The following ARHGEF3 variants were observed in gnomAD, a reference collection of about 807,000 sequenced individuals.
The protein encoded by ARHGEF3 is Rho guanine nucleotide exchange factor 3.
ARHGEF3 carries 28 observed loss-of-function variants against 63.2 expected under a neutral mutation model. The ratio of observed to expected loss-of-function variants is 0.44; its 90% CI spans 0.33 to 0.61. The LOEUF (loss-of-function observed/expected upper bound fraction) is 0.61. Ranked by LOEUF, ARHGEF3 falls within the 20% of genes least tolerant of loss-of-function variation. The pLI is 0.03. For synonymous variants in ARHGEF3, 266 were observed against 254.2 expected (o/e 1.05, Z -0.44); for missense variants, 533 against 659.3 (o/e 0.81, Z 2.10).
chr3:56,793,531 A>C (rs2037199987), intron 1 of ARHGEF3, among the ~76,000 whole-genome samples: 1 of 150,904 alleles, frequency 6.6e-6, no homozygotes, highest in Admixed American at 6.6e-5. Flanking sequence ...TTGAACTCCT[A>C]AGCTCAGGTG....
At chr3:56,884,467 G>A (rs192918835) in intron 3 of ARHGEF3, among the ~76,000 whole-genome samples, 5 of 152,322 alleles carry the variant, frequency 3.3e-5, no homozygotes, top group South Asian at 2.1e-4. Context: ...GAGCAGTGGC[G>A]TTCTACATAT....
intron 2 of ARHGEF3, among the ~76,000 whole-genome samples, chr3:56,987,942 T>C (rs1701606621): frequency 6.6e-6 from 1 of 152,202 alleles, no homozygotes; most frequent in African/African-American, 2.4e-5. Context: ...TACCACCTGA[T>C]GTCCAGAGCA....
rs1702251595 is a variant in ARHGEF3 at position 57,002,479 on chromosome 3, T to TTATATATATATATGTTA, written c.62+32608_62+32609insTAACATATATATATATA. Among the ~76,000 whole-genome samples the TTATATATATATATGTTA allele has an allele frequency of 1.5e-4, 6 of 39,466 alleles. 1 individual carries two copies. The highest frequency in any genetic ancestry group is 1.6e-3 in the East Asian group (2 of 1,288). 25.9% of individuals were successfully genotyped at this position (39,466 alleles called of 152,430 possible). A position where few individuals can be genotyped will look rare whatever the true frequency, so the allele number is the denominator to read the frequency against. ...TCTAAGCACTATATATATATATATG[T>TTATATATATATATGTTA]TATATATATATATATATGTTATATA... On this transcript the variant is annotated intron_variant, in intron 2 of 12. Coordinates refer to the ARHGEF3 transcript ENST00000338458.
At chr3:56,928,520 T>C (rs1198830266) in intron 3 of ARHGEF3, among the ~76,000 whole-genome samples, 3 of 152,122 alleles carry the variant, frequency 2.0e-5, no homozygotes. Flanking sequence ...AGCAGGAAAA[T>C]GACCATGGGG....
chr3:56,826,392 CTT>C (rs1052462335), intron 4 of ARHGEF3, among the ~76,000 whole-genome samples: 1 of 152,136 alleles, frequency 6.6e-6, no homozygotes, highest in African/African-American at 2.4e-5. Flanking sequence ...TGCCTTCTTA[CTT>C]TTTTGCACTA....
chr3:56,847,113 G>T (rs1578663933), intron 4 of ARHGEF3, among the ~76,000 whole-genome samples: 1 of 152,092 alleles, frequency 6.6e-6, no homozygotes, highest in African/African-American at 2.4e-5. Context: ...AGGGGGTGGA[G>T]GGGTTAGAAC....
intron 2 of ARHGEF3, among the ~76,000 whole-genome samples, chr3:56,976,885 G>A (rs539482566): frequency 7.9e-5 from 12 of 152,284 alleles, no homozygotes; most frequent in Non-Finnish European, 1.3e-4. Context: ...CAAACAGCAA[G>A]CCACCATGCT....
At chr3:56,842,748 C>T (rs2108114792) in intron 4 of ARHGEF3, among the ~76,000 whole-genome samples, 1 of 152,276 alleles carries the variant, frequency 6.6e-6, no homozygotes, top group Non-Finnish European at 1.5e-5. Context: ...GGAACTCTCC[C>T]TAGGGTGGTC....
In ARHGEF3 at chr3:56,916,289, C is replaced by T. The variant is rs189307595; in HGVS notation, c.130-33935G>A. 10 of 1,534,442 alleles carry T rather than the reference C, an allele frequency of 6.5e-6. No homozygotes were observed. The Admixed American group carries it at 2.0e-4, about 30-fold the overall frequency. On this transcript the variant is annotated intron_variant, in intron 3 of 12. Transcript: ENST00000338458. Reference sequence around the variant, plus strand: ...GAGTTGAGAGCCGGCCCATCCCAGGCTCAGCAGCAGGGGGCTTACCTGCGA... The same window carrying T: ...GAGTTGAGAGCCGGCCCATCCCAGGTTCAGCAGCAGGGGGCTTACCTGCGA...
intron 7 of ARHGEF3, among the ~76,000 whole-genome samples, chr3:56,743,863 A>G (rs1047723647): frequency 9.9e-5 from 15 of 152,080 alleles, no homozygotes; most frequent in African/African-American, 3.6e-4. Context: ...CATCCTCCCA[A>G]CTTGCATCCC....
At chr3:56,905,705 C>T (rs1238778522) in intron 3 of ARHGEF3, among the ~76,000 whole-genome samples, 1 of 152,210 alleles carries the variant, frequency 6.6e-6, no homozygotes, top group Admixed American at 6.5e-5. Context: ...AAAGGTTGTT[C>T]CCCTCCTCGA....
chr3:56,921,054 CAAAA>C (rs34087284), intron 3 of ARHGEF3, among the ~76,000 whole-genome samples: 89 of 60,670 alleles, frequency 1.5e-3, no homozygotes, highest in Admixed American at 3.4e-3. Flanking sequence ...GACTCCATCT[CAAAA>C]AAAAAAAAAA....
intron 2 of ARHGEF3, among the ~76,000 whole-genome samples, chr3:56,762,153 G>A (rs923087839): frequency 6.6e-6 from 1 of 152,080 alleles, no homozygotes; most frequent in African/African-American, 2.4e-5. Context: ...GGTGAGAAAC[G>A]CCAGTCCACG....
chr3:56,741,759 TC>T (rs1390794191), intron 7 of ARHGEF3, among the ~76,000 whole-genome samples: 1 of 152,182 alleles, frequency 6.6e-6, no homozygotes, highest in Non-Finnish European at 1.5e-5. Context: ...CGCCTTGGCC[TC>T]CCAAGGTGCT....
chr3:56,951,516 C>A (rs1699812378), intron 3 of ARHGEF3, among the ~76,000 whole-genome samples: 1 of 152,000 alleles, frequency 6.6e-6, no homozygotes, highest in Non-Finnish European at 1.5e-5. Flanking sequence ...GAAACCAAAA[C>A]ATCCATGTAA....
intron 2 of ARHGEF3, among the ~76,000 whole-genome samples, chr3:57,021,040 C>T (rs1298717992): frequency 6.6e-6 from 1 of 152,196 alleles, no homozygotes; most frequent in Non-Finnish European, 1.5e-5. Flanking sequence ...GCTATCCTGT[C>T]AGTATTACTC....
intron 2 of ARHGEF3, among the ~76,000 whole-genome samples, chr3:56,996,181 C>T (rs959722554): frequency 4.6e-5 from 7 of 152,104 alleles, no homozygotes; most frequent in Admixed American, 3.9e-4. Flanking sequence ...CACCATCTGC[C>T]CCCATTTCCA....
chr3:56,983,689 G>A (rs1034819461), intron 2 of ARHGEF3, among the ~76,000 whole-genome samples: 2 of 152,178 alleles, frequency 1.3e-5, no homozygotes, highest in African/African-American at 4.8e-5. Context: ...TGTAATGCCA[G>A]CACTTTGGGA....
At chr3:57,037,937 G>A (rs1369313606) in intron 1 of ARHGEF3, among the ~76,000 whole-genome samples, 3 of 152,220 alleles carry the variant, frequency 2.0e-5, no homozygotes, top group African/African-American at 7.2e-5. Context: ...GCTAGGGGCA[G>A]GGACTGGGGG....
Sources: gnomAD v4.1 joint callset for allele counts (sites outside exome capture counted in the v4.1 genomes callset) on GRCh38, gnomAD v4.1.1 for gene constraint, MANE v1.5 for transcripts, NCBI Gene and HGNC (gene_info 2026-07-23, HGNC 2026-07-21) for gene names.